The following MALRD1 variants were observed in gnomAD, a reference collection of about 807,000 sequenced individuals.
MALRD1 encodes MAM and LDL receptor class A domain containing 1.
In MALRD1, 247 loss-of-function variants were observed where a neutral mutation model predicts 242.1. The ratio of observed to expected loss-of-function variants is 1.02; its 90% CI spans 0.92 to 1.13. The LOEUF is 1.13. Among genes scored for constraint, MALRD1 ranks in the 50% most tolerant of loss-of-function variants. The probability of loss-of-function intolerance (pLI) is 0.00; values close to 1 mark genes in which losing one functional copy is unlikely to be tolerated. For missense variants in MALRD1, 2,989 were observed against 2,533.1 expected (o/e 1.18, Z -3.86); for synonymous variants, 995 against 866.6 (o/e 1.15, Z -2.60).
intron 36 of MALRD1, among the ~76,000 whole-genome samples, chr10:19,681,789 C>A (rs1842382566): frequency 6.7e-6 from 1 of 149,226 alleles, no homozygotes. Flanking sequence ...TTCTCATCTT[C>A]ATGACTTTCT....
intron 29 of MALRD1, among the ~76,000 whole-genome samples, chr10:19,472,495 G>T (rs896859355): frequency 2.0e-5 from 3 of 151,916 alleles, no homozygotes; most frequent in African/African-American, 7.2e-5. Flanking sequence ...TTTAAAAGAA[G>T]AATTTGGTAA....
chr10:19,230,162 G>A (rs142830457), intron 18 of MALRD1, among the ~76,000 whole-genome samples: 272 of 152,286 alleles, frequency 1.8e-3, no homozygotes, highest in African/African-American at 6.2e-3. Flanking sequence ...ATGTGGAACT[G>A]TGAATTCATT....
upstream of MALRD1, among the ~76,000 whole-genome samples, chr10:19,047,799 T>C (rs1280503335): frequency 6.6e-6 from 1 of 152,172 alleles, no homozygotes. Context: ...ATATGGGTAA[T>C]TCTTAGAACA....
chr10:19,576,791 G>T (rs1223448455), intron 33 of MALRD1, among the ~76,000 whole-genome samples: 1 of 152,138 alleles, frequency 6.6e-6, no homozygotes, highest in Admixed American at 6.6e-5. Flanking sequence ...CAGAGCGAAA[G>T]CTGCTTTCTT....
At chr10:19,688,226 C>A (rs1412269054) in intron 36 of MALRD1, among the ~76,000 whole-genome samples, 1 of 152,146 alleles carries the variant, frequency 6.6e-6, no homozygotes, top group Admixed American at 6.6e-5. Context: ...CCGCCTTGGC[C>A]TCCCAAAGTG....
chr10:19,112,150 AT>A (rs5783654), intron 5 of MALRD1, among the ~76,000 whole-genome samples: 65,052 of 140,028 alleles, frequency 0.46, 14,553 homozygotes, highest in Admixed American at 0.52. Context: ...GATTCTCAGG[AT>A]TTTTTTTTTT....
intron 14 of MALRD1, among the ~76,000 whole-genome samples, chr10:19,188,957 G>A (rs917044854): frequency 6.6e-6 from 1 of 151,962 alleles, no homozygotes; most frequent in Non-Finnish European, 1.5e-5. Flanking sequence ...AGATAATAAA[G>A]CAAATCAAAG....
At chr10:19,729,396 TATAC>T (rs1393242463) in intron 38 of MALRD1, among the ~76,000 whole-genome samples, 5 of 152,206 alleles carry the variant, frequency 3.3e-5, no homozygotes, top group Non-Finnish European at 7.3e-5. Flanking sequence ...AAATATACAT[TATAC>T]ATACATTATA....
chr10:19,219,071 T>C (rs144439661), intron 18 of MALRD1, among the ~76,000 whole-genome samples: 56 of 152,282 alleles, frequency 3.7e-4, no homozygotes, highest in African/African-American at 1.3e-3. Flanking sequence ...AAAGGCTAAT[T>C]TTCAAAATAT....
rs376874358 is a variant in MALRD1, at chr10:19,175,463, A to AATATATATATATATATAT, written c.1951+138_1951+155dup. The AATATATATATATATATAT allele has an allele frequency of 3.5e-4, 71 of 202,824 alleles. 3 individuals carry two copies. Among genetic ancestry groups the AATATATATATATATATAT allele is most frequent in the Middle Eastern group, 4.5e-3 (2 of 442 alleles). The allele number at this position is 202,824 out of a possible 1,614,324, so 12.6% of individuals were successfully genotyped here. On this transcript the variant is annotated intron_variant, in intron 14 of 39. Coordinates refer to ENST00000454679, the MANE Select transcript of MALRD1 (RefSeq NM_001142308.3). ...TATATCACCTGTTCTTGAAACCTAA[A>AATATATATATATATATAT]ATATATATATATATATATATTTTAA...
intron 13 of MALRD1, among the ~76,000 whole-genome samples, chr10:19,172,042 A>G (rs1198702221): frequency 1.9e-4 from 2 of 10,404 alleles, no homozygotes; most frequent in Non-Finnish European, 3.0e-4. Context: ...TATATGTGAT[A>G]TATATCATAT....
chr10:19,237,417 C>T (rs2131720130), intron 18 of MALRD1, among the ~76,000 whole-genome samples: 1 of 148,566 alleles, frequency 6.7e-6, no homozygotes, highest in Non-Finnish European at 1.5e-5. Context: ...GCTTATTTCA[C>T]TTAACATTGT....
At chr10:19,538,154 A>T (rs1387139058) in intron 32 of MALRD1, among the ~76,000 whole-genome samples, 1 of 152,216 alleles carries the variant, frequency 6.6e-6, no homozygotes, top group African/African-American at 2.4e-5. Flanking sequence ...TTTTCCTATT[A>T]TGTTTTAGGA....
At chr10:19,661,739 CA>C (rs1252233654) in intron 36 of MALRD1, among the ~76,000 whole-genome samples, 1 of 152,032 alleles carries the variant, frequency 6.6e-6, no homozygotes, top group Non-Finnish European at 1.5e-5. Context: ...ACATATGTAA[CA>C]AACCTGCACG....
intron 38 of MALRD1, among the ~76,000 whole-genome samples, chr10:19,729,780 A>G (rs1333746682): frequency 9.2e-6 from 1 of 109,204 alleles, no homozygotes; most frequent in East Asian, 3.1e-4. Context: ...TCTGTGGCCC[A>G]GGCTGGAGTG....
At chr10:19,145,766 A>G (rs1450951459) in intron 10 of MALRD1, among the ~76,000 whole-genome samples, 2 of 152,100 alleles carry the variant, frequency 1.3e-5, no homozygotes, top group African/African-American at 4.8e-5. Flanking sequence ...TTAGGATAGA[A>G]TAATAAAATG....
At chr10:19,544,697 C>T (rs1374383631) in intron 32 of MALRD1, among the ~76,000 whole-genome samples, 1 of 152,054 alleles carries the variant, frequency 6.6e-6, no homozygotes, top group Admixed American at 6.5e-5. Flanking sequence ...CTGAATCATC[C>T]TCTCTAACAG....
chr10:19,332,027 A>G (rs777837700), intron 24 of MALRD1, among the ~76,000 whole-genome samples: 6 of 151,966 alleles, frequency 3.9e-5, no homozygotes, highest in Non-Finnish European at 7.4e-5. Context: ...CACCACGCCC[A>G]GCTATTTTTT....
chr10:19,207,603 C>A (rs1437333075), intron 17 of MALRD1, among the ~76,000 whole-genome samples: 1 of 152,092 alleles, frequency 6.6e-6, no homozygotes, highest in Non-Finnish European at 1.5e-5. Context: ...CGGGTTCAAG[C>A]GATTCTCCTG....
Sources: allele counts gnomAD v4.1 joint callset (sites outside exome capture counted in the v4.1 genomes callset), GRCh38; gene constraint gnomAD v4.1.1; transcripts MANE v1.5; gene names NCBI Gene and HGNC (gene_info 2026-07-23, HGNC 2026-07-21).